SORCS2: variants seen among roughly 807,000 people sequenced by gnomAD.
SORCS2 encodes the protein VPS10 domain-containing receptor SorCS2.
A neutral mutation model predicts 141.6 loss-of-function variants in SORCS2; 100 were observed. The ratio of observed to expected loss-of-function variants is 0.71; its 90% CI spans 0.60 to 0.83. The LOEUF (loss-of-function observed/expected upper bound fraction) is 0.83. SORCS2 is among the 40% of genes least tolerant of loss of function. SORCS2 has a pLI of 0.00. For missense variants in SORCS2, 1,646 were observed against 1,560.2 expected (o/e 1.05, Z -0.93); for synonymous variants, 789 against 676.9 (o/e 1.17, Z -2.57).
At chr4:7,584,744 G>A (rs1378769188) in intron 3 of SORCS2, among the ~76,000 whole-genome samples, 2 of 152,172 alleles carry the variant, frequency 1.3e-5, no homozygotes, top group East Asian at 1.9e-4. Flanking sequence ...CAGTTTTGCA[G>A]GCACAGTTCC....
chr4:7,411,481 TC>T (rs1577517039), intron 2 of SORCS2, among the ~76,000 whole-genome samples: 2 of 152,056 alleles, frequency 1.3e-5, no homozygotes, highest in East Asian at 3.9e-4. Context: ...CTATCTTCTC[TC>T]CTCATTTCTA....
intron 5 of SORCS2, among the ~76,000 whole-genome samples, chr4:7,657,490 AAT>A (rs1266427578): frequency 4.6e-5 from 4 of 86,954 alleles, no homozygotes; most frequent in Non-Finnish European, 1.1e-4. Context: ...TGAGTCAATG[AAT>A]GAATGAGTAA....
intron 2 of SORCS2, among the ~76,000 whole-genome samples, chr4:7,468,107 C>T (rs572090970): frequency 1.3e-5 from 2 of 152,374 alleles, no homozygotes; most frequent in South Asian, 2.1e-4. Flanking sequence ...CCCTGCAAGG[C>T]ACAGTTGTTC....
chr4:7,238,484 A>G (rs777331899), intron 1 of SORCS2, among the ~76,000 whole-genome samples: 5 of 152,166 alleles, frequency 3.3e-5, no homozygotes, highest in African/African-American at 4.8e-5. Flanking sequence ...GACAGTTCTC[A>G]CTGGTCACTG....
In SORCS2 at chr4:7,466,314, G is replaced by T. The variant is rs142576916; in HGVS notation, c.549-65216G>T. ...CTCCAGATCTAGGAGACAAGGAGAG[G>T]CTGGCGGGATTCCACGGGGGAGGGT... is the stretch of plus-strand genomic sequence containing the variant. On this transcript the variant is annotated intron_variant, in intron 2 of 26. Coordinates refer to ENST00000507866, the MANE Select transcript of SORCS2 (RefSeq NM_020777.3). Among the ~76,000 whole-genome samples the T allele has an allele frequency of 2.0e-3, 299 of 152,254 alleles. 2 individuals are homozygous for T. The highest frequency in any genetic ancestry group is 1.9e-3 in the Non-Finnish European group (128 of 68,016).
At chr4:7,433,720 C>T in intron 2 of SORCS2, 2 of 1,613,224 alleles carry the variant, frequency 1.2e-6, no homozygotes, top group Non-Finnish European at 1.7e-6. Context: ...CTCCGCGTCC[C>T]ACTCTGGGGA....
At chr4:7,524,138 C>A (rs770516076) in intron 2 of SORCS2, among the ~76,000 whole-genome samples, 12 of 152,200 alleles carry the variant, frequency 7.9e-5, no homozygotes, top group Non-Finnish European at 1.6e-4. Flanking sequence ...CCACCAGGAA[C>A]CTCAGGGGTG....
Position 7,704,291 on chromosome 4 carries a change from G to C in SORCS2, c.1868+7G>C. On this transcript the variant is annotated splice_region_variant and intron_variant, in intron 14 of 26. Transcript: ENST00000507866. ...ACGAGACGCTGGTCATGACGTGAGTGCGGGGACCGGGGAGTGGGCACTGGT... is the reference window on the plus strand; with the variant it reads ...ACGAGACGCTGGTCATGACGTGAGTCCGGGGACCGGGGAGTGGGCACTGGT... 6.2e-7 allele frequency: 1 copy of C among 1,604,614 alleles called. No individual in the cohort carries two copies. Among genetic ancestry groups the C allele is most frequent in the Middle Eastern group, 1.7e-4 (1 of 6,036 alleles).
chr4:7,207,504 C>G (rs1727815707), intron 1 of SORCS2, among the ~76,000 whole-genome samples: 1 of 152,192 alleles, frequency 6.6e-6, no homozygotes, highest in Non-Finnish European at 1.5e-5. Context: ...CTGCCCCGAG[C>G]TCTGAGCTGG....
At chr4:7,242,601 C>T (rs924295683) in intron 1 of SORCS2, among the ~76,000 whole-genome samples, 2 of 152,176 alleles carry the variant, frequency 1.3e-5, no homozygotes, top group African/African-American at 4.8e-5. Context: ...CTATCATGTC[C>T]TTTGCTCTCT....
chr4:7,609,922 A>G (rs1718299589), intron 3 of SORCS2, among the ~76,000 whole-genome samples: 1 of 152,224 alleles, frequency 6.6e-6, no homozygotes. Context: ...TAGCGAATGC[A>G]GCCGGGCACC....
intron 1 of SORCS2, among the ~76,000 whole-genome samples, chr4:7,347,946 C>T (rs1293071147): frequency 6.6e-6 from 1 of 152,190 alleles, no homozygotes; most frequent in Non-Finnish European, 1.5e-5. Flanking sequence ...GATTAATACC[C>T]ACAAACCATG....
intron 2 of SORCS2, among the ~76,000 whole-genome samples, chr4:7,478,812 G>A (rs990827763): frequency 1.3e-5 from 2 of 152,164 alleles, no homozygotes; most frequent in African/African-American, 2.4e-5. Flanking sequence ...ATAGGCACTC[G>A]GCCCATGACA....
intron 1 of SORCS2, among the ~76,000 whole-genome samples, chr4:7,264,218 A>C (rs6845989): frequency 0.47 from 72,016 of 152,094 alleles, 17,670 homozygotes; most frequent in African/African-American, 0.61. Flanking sequence ...GGCAGATGTC[A>C]GTCATCAGAG....
Position 7,645,837 on chromosome 4 carries a change from C to T in SORCS2, c.813+7345C>T, listed in dbSNP as rs115587788. Among the ~76,000 whole-genome samples, 1,266 of 152,294 alleles carry T rather than the reference C, an allele frequency of 8.3e-3. 21 individuals are homozygous for T. Among genetic ancestry groups the T allele is most frequent in the African/African-American group, 0.028 (1,183 of 41,552 alleles). ...CTCCGTTTACAAACCCAGGTGACAG[C>T]CCATGGCTTGCTGACACCTGCTCCA... On this transcript the variant is annotated intron_variant, in intron 4 of 26. Transcript: ENST00000507866.
intron 1 of SORCS2, among the ~76,000 whole-genome samples, chr4:7,259,504 G>A (rs1178666874): frequency 6.6e-6 from 1 of 152,234 alleles, no homozygotes; most frequent in Non-Finnish European, 1.5e-5. Context: ...TGAGAGCACT[G>A]TGCTTTCCCT....
At chr4:7,603,037 C>T (rs1717837561) in intron 3 of SORCS2, among the ~76,000 whole-genome samples, 1 of 152,176 alleles carries the variant, frequency 6.6e-6, no homozygotes, top group Non-Finnish European at 1.5e-5. Flanking sequence ...TGTGCGCCTG[C>T]AATCGCAGGC....
chr4:7,605,772 C>A (rs1018801500), intron 3 of SORCS2, among the ~76,000 whole-genome samples: 1 of 152,044 alleles, frequency 6.6e-6, no homozygotes, highest in Non-Finnish European at 1.5e-5. Flanking sequence ...ATACCTGTGG[C>A]TTGGTGCTGG....
chr4:7,559,719 T>C (rs1714393457), intron 3 of SORCS2, among the ~76,000 whole-genome samples: 1 of 152,218 alleles, frequency 6.6e-6, no homozygotes. Context: ...TCTCCATGCC[T>C]CAATTTCCTC....
Sources: allele counts gnomAD v4.1 joint callset (sites outside exome capture counted in the v4.1 genomes callset), GRCh38; gene constraint gnomAD v4.1.1; transcripts MANE v1.5; gene names NCBI Gene and HGNC (gene_info 2026-07-23, HGNC 2026-07-21).